The following CCNE1 variants were observed in gnomAD, a reference collection of about 807,000 sequenced individuals.
CCNE1 encodes the protein cyclin E1, also known as G1/S-specific cyclin-E1.
Under a neutral mutation model 54.1 loss-of-function variants are expected in CCNE1, and 8 were observed. The observed-to-expected ratio is 0.15, with a 90% CI of 0.09 to 0.27. The LOEUF is 0.27. Among genes scored for constraint, CCNE1 ranks in the 10% least tolerant of loss-of-function variants. The probability of loss-of-function intolerance (pLI) is 1.00; values close to 1 mark genes in which losing one functional copy is unlikely to be tolerated. For missense variants in CCNE1, 430 were observed against 514.9 expected, an observed-to-expected ratio of 0.84 and a Z score of 1.60; for synonymous variants, 179 against 185.2, an observed-to-expected ratio of 0.97 and a Z score of 0.27.
chr19:29,823,703 TCTC>T lies in CCNE1; in HGVS notation c.1163_1165del (p.Pro388del), dbSNP rs1974208777. The T allele has an allele frequency of 6.2e-7, 1 of 1,614,088 alleles. No individual in the cohort carries two copies. The highest frequency in any genetic ancestry group is 8.5e-7 in the Non-Finnish European group (1 of 1,179,976). Reference sequence around the variant, plus strand: ...CATGTTGTCTGAACAAAATAGGGCTTCTCCTCTCCCCAGTGGGCTCCTCACCCC... The same window carrying T: ...CATGTTGTCTGAACAAAATAGGGCTTCTCTCCCCAGTGGGCTCCTCACCCC... On this transcript the variant is annotated inframe_deletion, in exon 12 of 12. Coordinates refer to ENST00000262643, the MANE Select transcript of CCNE1 (RefSeq NM_001238.4).
chr19:29,823,456 G>A (rs546570945), intron 11 of CCNE1, among the ~76,000 whole-genome samples, 199 bp from the exon 12 acceptor site: 85 of 152,234 alleles, frequency 5.6e-4, no homozygotes, highest in African/African-American at 2.0e-3. Flanking sequence ...GGCTGAGGCG[G>A]GAGAATCGGT....
At chr19:29,823,569 A>C in intron 11 of CCNE1, 86 bp from the exon 12 acceptor site, 1 of 1,285,588 alleles carries the variant, frequency 7.8e-7, no homozygotes, top group Admixed American at 2.6e-5. Context: ...AAAAATTTAA[A>C]AATTAAAAAA....
In CCNE1 at chr19:29,821,753, C is replaced by T. The variant is rs146187350; in HGVS notation, c.641C>T (p.Ala214Val). 72 of 1,612,184 alleles carry T rather than the reference C, an allele frequency of 4.5e-5. No homozygotes were observed. The African/African-American group carries it at 8.1e-4, about 18-fold the overall frequency. Residue 214 changes from alanine (A) to valine (V), a missense_variant, in exon 8 of 12, where the codon GCG becomes GTG. Physicochemically the swap from Ala to Val is moderately conservative, Grantham distance 64 (BLOSUM62 0). Coordinates refer to ENST00000262643, the MANE Select transcript of CCNE1 (RefSeq NM_001238.4). ...TATCCTCCAAAGTTGCACCAGTTTG[C>T]GTATGTGACAGATGGAGCTTGTTCA... ...EIYPPKLHQF[A>V]YVTDGACSGD...
chr19:29,820,574 T>A (rs1974124705), intron 6 of CCNE1, 128 bp from the exon 7 acceptor site: 1 of 670,538 alleles, frequency 1.5e-6, no homozygotes, highest in South Asian at 2.0e-5. Context: ...AACAAAAAAC[T>A]ATCAATTGTT....
At chr19:29,818,657 C>T (rs192125565) in intron 6 of CCNE1, among the ~76,000 whole-genome samples, 1 of 152,166 alleles carries the variant, frequency 6.6e-6, no homozygotes, top group Non-Finnish European at 1.5e-5. Context: ...TGGCTGGGCA[C>T]AGTGGCTCAT....
At chr19:29,819,061 C>T (rs1296631379) in intron 6 of CCNE1, among the ~76,000 whole-genome samples, 1 of 151,982 alleles carries the variant, frequency 6.6e-6, no homozygotes, top group Non-Finnish European at 1.5e-5. Flanking sequence ...CTGCGCCTGG[C>T]CCTTGAGACC....
At chr19:29,812,810 C>CT in intron 3 of CCNE1, 34 bp downstream of exon 3, 5 of 1,586,490 alleles carry the variant, frequency 3.2e-6, no homozygotes, top group South Asian at 2.3e-5. Context: ...GGGAGCATCC[C>CT]CCCCATCTCA....
intron 6 of CCNE1, among the ~76,000 whole-genome samples, chr19:29,818,458 C>T (rs1974078409): frequency 6.6e-6 from 1 of 152,166 alleles, no homozygotes; most frequent in Non-Finnish European, 1.5e-5. Flanking sequence ...CCATGCCCAG[C>T]TAAATTGCTT....
rs749045990 is a variant in CCNE1 at position 29,812,729 on chromosome 19, G to A, written c.64G>A (p.Ala22Thr). 6.3e-7 allele frequency: 1 copy of A among 1,595,522 alleles called. No homozygotes were observed. The highest frequency in any genetic ancestry group is 8.5e-7 in the Non-Finnish European group (1 of 1,172,968). Residue 22 changes from alanine to threonine, a missense_variant, in exon 3 of 12, where the codon GCG (alanine) becomes ACG (threonine). Transcript: ENST00000262643. ...ERDTMKEDGGAEFSARSRKRK... is the reference protein window; with the variant it reads ...ERDTMKEDGGTEFSARSRKRK... ...GGACACCATGAAGGAGGACGGCGGC[G>A]CGGAGTTCTCGGCTCGCTCCAGGAA...
intron 4 of CCNE1, 60 bp from the exon 5 acceptor site, chr19:29,817,077 G>C (rs1405509034): frequency 1.3e-6 from 2 of 1,536,630 alleles, no homozygotes; most frequent in African/African-American, 2.7e-5. Context: ...TAATGTTTTT[G>C]GGTAATGTAA....
chr19:29,824,034 G>C lies in CCNE1; in HGVS notation c.*257G>C, dbSNP rs533007909. ...AGTGCGTGCTCCCGATGCTGCTATG[G>C]AAGGTGCTACTTGACCTAAGGGACT... On this transcript the variant is annotated 3_prime_UTR_variant, in exon 12 of 12. Transcript: ENST00000262643. The C allele has an allele frequency of 7.9e-6, 3 of 378,536 alleles. No individual in the cohort carries two copies. The highest frequency in any genetic ancestry group is 1.4e-5 in the Non-Finnish European group (3 of 211,080). The allele number at this position is 378,536 out of a possible 1,614,324, so 23.4% of individuals were successfully genotyped here. A position where few individuals can be genotyped will look rare whatever the true frequency, so the allele number is the denominator to read the frequency against.
intron 6 of CCNE1, among the ~76,000 whole-genome samples, chr19:29,818,750 C>T (rs923002746): frequency 6.7e-6 from 1 of 149,804 alleles, no homozygotes; most frequent in East Asian, 2.0e-4. Flanking sequence ...GGCAACATAG[C>T]GAGACCCCAT....
intron 7 of CCNE1, 66 bp downstream of exon 7, chr19:29,820,914 G>A (rs1974132776): frequency 2.3e-6 from 3 of 1,306,678 alleles, no homozygotes; most frequent in Admixed American, 3.7e-5. Context: ...GAGATTGGGG[G>A]AAGAGGTTGG....
In CCNE1 at chr19:29,822,327, T is replaced by A; in HGVS notation, c.928T>A (p.Ser310Thr). 1 of 1,614,042 alleles carries A rather than the reference T, an allele frequency of 6.2e-7. No homozygotes were observed. Among genetic ancestry groups the A allele is most frequent in the Non-Finnish European group, 8.5e-7 (1 of 1,179,890 alleles). Residue 310 changes from serine (S) to threonine (T), a missense_variant, in exon 10 of 12, where the codon TCT becomes ACT. Ser to Thr is a moderately conservative substitution (Grantham distance 58, BLOSUM62 1). Coordinates refer to ENST00000262643, the MANE Select transcript of CCNE1 (RefSeq NM_001238.4). ...AASALYHFSS[S>T]ELMQKVSGYQ... ...TTCGGCCTTGTATCATTTCTCGTCA[T>A]CTGAATTGATGCAAAAGGTTTCAGG... is the stretch of plus-strand genomic sequence containing the variant.
At chr19:29,818,243 G>A (rs906000636) in intron 6 of CCNE1, among the ~76,000 whole-genome samples, 2 of 152,110 alleles carry the variant, frequency 1.3e-5, no homozygotes, top group Non-Finnish European at 2.9e-5. Context: ...AGCCAGGATG[G>A]TCTCGATCTC....
Position 29,812,161 on chromosome 19 carries a change from A to G in CCNE1, c.-25+9A>G, listed in dbSNP as rs934959632. On this transcript the variant is annotated intron_variant, in intron 1 of 11. Coordinates refer to ENST00000262643, the MANE Select transcript of CCNE1 (RefSeq NM_001238.4). ...CCGCGGACAAGACCCTGGTGAGTCT[A>G]CTGCCGCGGGCTGCGGACAGGGACT... 3.4e-5 allele frequency: 5 copies of G among 149,014 alleles called. No individual in the cohort carries two copies. Among genetic ancestry groups the G allele is most frequent in the Non-Finnish European group, 6.0e-5 (4 of 66,664 alleles). The allele number at this position is 149,014 out of a possible 1,614,324, so 9.2% of individuals were successfully genotyped here.
At chr19:29,813,326 G>A (rs752770237) in intron 4 of CCNE1, 52 of 394,094 alleles carry the variant, frequency 1.3e-4, no homozygotes, top group Non-Finnish European at 2.1e-4. Context: ...CTCCCCTTCT[G>A]CCCAGGAGGA....
chr19:29,813,679 AT>A (rs5827671), intron 4 of CCNE1, among the ~76,000 whole-genome samples: 5 of 151,174 alleles, frequency 3.3e-5, no homozygotes, highest in East Asian at 1.9e-4. Context: ...GTCTCAATAC[AT>A]TTTTTTTTGA....
In CCNE1 at chr19:29,824,055, G is replaced by A; in HGVS notation, c.*278G>A. On this transcript the variant is annotated 3_prime_UTR_variant, in exon 12 of 12. Transcript: ENST00000262643. ...TATGGAAGGTGCTACTTGACCTAAG[G>A]GACTCCCACAACAACAAAAGCTTGA... 1 of 329,886 alleles carries A rather than the reference G, an allele frequency of 3.0e-6. No homozygotes were observed. Among genetic ancestry groups the A allele is most frequent in the Non-Finnish European group, 5.5e-6 (1 of 181,260 alleles). 20.4% of individuals were successfully genotyped at this position (329,886 alleles called of 1,614,324 possible). A position where few individuals can be genotyped will look rare whatever the true frequency, so the allele number is the denominator to read the frequency against.
Sources: gnomAD v4.1 joint callset for allele counts (sites outside exome capture counted in the v4.1 genomes callset) on GRCh38, gnomAD v4.1.1 for gene constraint, MANE v1.5 for transcripts, NCBI Gene and HGNC (gene_info 2026-07-23, HGNC 2026-07-21) for gene names.